HHLA2: variants seen among roughly 807,000 people sequenced by gnomAD.
The protein encoded by HHLA2 is HHLA2 member of B7 family, also known as HERV-H LTR-associating protein 2.
A neutral mutation model predicts 45.9 loss-of-function variants in HHLA2; 48 were observed. The observed-to-expected ratio is 1.05, with a 90% CI of 0.83 to 1.33. The LOEUF (loss-of-function observed/expected upper bound fraction) is 1.33. HHLA2 is among the 40% of genes most tolerant of loss of function. HHLA2 has a pLI of 0.00. For missense variants in HHLA2, 462 were observed against 494.3 expected (o/e 0.93, Z 0.62); for synonymous variants, 161 against 173.9 (o/e 0.93, Z 0.59).
intron 2 of HHLA2, among the ~76,000 whole-genome samples, chr3:108,325,202 A>G (rs967985782): frequency 5.9e-5 from 9 of 152,316 alleles, no homozygotes; most frequent in Non-Finnish European, 1.3e-4. Context: ...CCAGACTATT[A>G]CATTTAGAAA....
chr3:108,321,984 A>C (rs1305434553), intron 2 of HHLA2, among the ~76,000 whole-genome samples: 1 of 151,932 alleles, frequency 6.6e-6, no homozygotes, highest in Non-Finnish European at 1.5e-5. Context: ...TGAAGATGTT[A>C]GTTATAGTTT....
intron 8 of HHLA2, among the ~76,000 whole-genome samples, chr3:108,370,229 C>A (rs1259066573): frequency 6.6e-6 from 1 of 152,148 alleles, no homozygotes. Context: ...TAGTGGACCT[C>A]CAGCAAACTC....
intron 1 of HHLA2, among the ~76,000 whole-genome samples, chr3:108,304,549 C>T (rs539921802): frequency 5.3e-5 from 8 of 152,280 alleles, no homozygotes; most frequent in Admixed American, 5.2e-4. Flanking sequence ...TTAATTACAT[C>T]TACAAAGACC....
chr3:108,367,346 A>G (rs2085407), intron 8 of HHLA2, among the ~76,000 whole-genome samples: 54,878 of 151,912 alleles, frequency 0.36, 10,561 homozygotes, highest in African/African-American at 0.48. Context: ...AAAATTGGAC[A>G]GAGAAAGAGT....
intron 2 of HHLA2, among the ~76,000 whole-genome samples, chr3:108,312,678 T>C (rs1043499903): frequency 1.3e-5 from 2 of 152,214 alleles, no homozygotes; most frequent in African/African-American, 4.8e-5. Flanking sequence ...TGCTATGAGA[T>C]AGAGACCAGA....
chr3:108,326,394 A>G (rs76974425), intron 2 of HHLA2, among the ~76,000 whole-genome samples: 3,260 of 152,286 alleles, frequency 0.021, 117 homozygotes, highest in African/African-American at 0.072. Flanking sequence ...AGAACAAATG[A>G]GAACCAAGCA....
chr3:108,331,251 T>G (rs960940202), intron 3 of HHLA2, among the ~76,000 whole-genome samples: 14 of 152,210 alleles, frequency 9.2e-5, no homozygotes, highest in African/African-American at 2.4e-4. Context: ...TCAATCTCTA[T>G]GGGGATTTGT....
intron 2 of HHLA2, among the ~76,000 whole-genome samples, chr3:108,317,968 G>A (rs1002050939): frequency 1.3e-5 from 2 of 152,000 alleles, no homozygotes; most frequent in Non-Finnish European, 2.9e-5. Context: ...GATCACCTGA[G>A]GTCGGGAATT....
At chr3:108,322,764 G>A (rs534490883) in intron 2 of HHLA2, among the ~76,000 whole-genome samples, 5 of 152,292 alleles carry the variant, frequency 3.3e-5, no homozygotes, top group South Asian at 4.1e-4. Flanking sequence ...TGTACATGGC[G>A]TCATCAGTCA....
At position 108,353,698 on chromosome 3, in the gene HHLA2, C is replaced by G. The variant is rs571187309; in HGVS notation, c.336C>G (p.Ser112Arg). 19 of 1,613,562 alleles carry G rather than the reference C, an allele frequency of 1.2e-5. No homozygotes were observed. The East Asian group carries it at 3.8e-4, about 32-fold the overall frequency. ...CGTCGCTATTTTTCAGAAGAGTAAG[C>G]CTTCTGGACGAAGGAATTTACACCT... Residue 112 changes from serine (S) to arginine (R), a missense_variant, in exon 5 of 11, where the codon AGC (serine) becomes AGG (arginine). This residue lies in a region of HHLA2 where 335 missense variants were observed against 367.4 expected (regional missense o/e 0.91). Coordinates refer to ENST00000619531, the Ensembl canonical transcript of HHLA2.
intron 3 of HHLA2, among the ~76,000 whole-genome samples, chr3:108,348,527 G>GT (rs965668900): frequency 3.3e-5 from 5 of 151,968 alleles, no homozygotes; most frequent in African/African-American, 9.7e-5. Flanking sequence ...AGAATTTTTT[G>GT]TTTTTTCTCA....
chr3:108,358,983 T>TG (rs2107474860), intron 7 of HHLA2, among the ~76,000 whole-genome samples: 1 of 152,274 alleles, frequency 6.6e-6, no homozygotes, highest in East Asian at 1.9e-4. Flanking sequence ...TTCAAATACT[T>TG]GGAAGCTTCT....
chr3:108,328,299 T>G, exon 3 of HHLA2: 2 of 1,528,648 alleles, frequency 1.3e-6, no homozygotes, highest in Non-Finnish European at 1.8e-6. Flanking sequence ...CCTGCACAGA[T>G]TGTGATGGTG....
At chr3:108,358,834 C>T (rs2081942696) in intron 7 of HHLA2, among the ~76,000 whole-genome samples, 2 of 152,130 alleles carry the variant, frequency 1.3e-5, no homozygotes, top group South Asian at 4.1e-4. Context: ...GGTATTTGAA[C>T]CAGTGGAACT....
chr3:108,311,040 AAGT>A (rs1353034306), intron 2 of HHLA2, among the ~76,000 whole-genome samples: 1 of 152,204 alleles, frequency 6.6e-6, no homozygotes, highest in African/African-American at 2.4e-5. Flanking sequence ...TCACTTTACC[AAGT>A]GTAAATAGGG....
At chr3:108,311,310 C>T (rs1179172079) in intron 2 of HHLA2, among the ~76,000 whole-genome samples, 11 of 152,148 alleles carry the variant, frequency 7.2e-5, no homozygotes, top group Admixed American at 7.2e-4. Flanking sequence ...AATATGCCAA[C>T]TAAATTTGGA....
intron 8 of HHLA2, among the ~76,000 whole-genome samples, chr3:108,368,208 G>A (rs1003561607): frequency 1.7e-4 from 26 of 151,860 alleles, no homozygotes; most frequent in Non-Finnish European, 3.2e-4. Flanking sequence ...CCTGAAGGAA[G>A]CACTAAATAC....
intron 1 of HHLA2, among the ~76,000 whole-genome samples, chr3:108,302,037 C>A (rs893800825): frequency 1.9e-4 from 29 of 152,092 alleles, no homozygotes; most frequent in Non-Finnish European, 8.8e-5. Context: ...GGAAATAAGA[C>A]AAGTAATCTA....
At chr3:108,357,716 C>T (rs35330061) in intron 6 of HHLA2, 128 bp from the exon 6 acceptor site, 156,470 of 754,960 alleles carry the variant, frequency 0.21, 18,605 homozygotes, top group Non-Finnish European at 0.25. Flanking sequence ...AATATAATTA[C>T]TTTCCAAAAA....
Sources: gnomAD v4.1 joint callset for allele counts (sites outside exome capture counted in the v4.1 genomes callset) on GRCh38, gnomAD v4.1.1 for gene constraint, gnomAD v4.1.1 regional missense constraint, MANE v1.5 for transcripts, NCBI Gene and HGNC (gene_info 2026-07-23, HGNC 2026-07-21) for gene names.